NFKBIE: variants seen among roughly 807,000 people sequenced by gnomAD.
NFKBIE encodes NFKB inhibitor epsilon.
In NFKBIE, 11 loss-of-function variants were observed where a neutral mutation model predicts 31.6. The ratio of observed to expected loss-of-function variants is 0.35; its 90% CI spans 0.22 to 0.58. The LOEUF (loss-of-function observed/expected upper bound fraction) is 0.58. NFKBIE is among the 20% of genes least tolerant of loss of function. NFKBIE has a pLI of 0.83. For synonymous variants in NFKBIE, 208 were observed against 210.1 expected (o/e 0.99, Z 0.09); for missense variants, 354 against 465.7 (o/e 0.76, Z 2.21).
chr6:44,259,874 GGCTCCTT>G (rs1252465083), intron 5 of NFKBIE, among the ~76,000 whole-genome samples, 162 bp downstream of exon 5: 1 of 152,096 alleles, frequency 6.6e-6, no homozygotes, highest in African/African-American at 2.4e-5. Context: ...GTCCAAATTT[GGCTCCTT>G]GGACCAACTA....
intron 5 of NFKBIE, 74 bp downstream of exon 5, chr6:44,259,969 C>G: frequency 1.3e-6 from 2 of 1,559,836 alleles, no homozygotes; most frequent in East Asian, 2.3e-5. Flanking sequence ...CTCCCTGGCC[C>G]TTTCAGCTAA....
At position 44,258,718 on chromosome 6, in the gene NFKBIE, T is replaced by C. The variant is rs572059270; in HGVS notation, c.*501A>G. On this transcript the variant is annotated 3_prime_UTR_variant, in exon 6 of 6. Coordinates refer to ENST00000619360, the MANE Select transcript of NFKBIE (RefSeq NM_004556.3). The stretch of plus-strand genomic sequence containing the variant: ...TAACGTCTCTGCCATTTTAGTGTCA[T>C]GTTACTGAAACTTCCCTTCCCCAGT... 4 of 153,136 alleles carry C rather than the reference T, an allele frequency of 2.6e-5. No homozygotes were observed. The highest frequency in any genetic ancestry group is 2.0e-4 in the South Asian group (1 of 4,894). The allele number at this position is 153,136 out of a possible 1,614,324, so 9.5% of individuals were successfully genotyped here.
chr6:44,265,372 C>A lies in NFKBIE; in HGVS notation c.-26G>T. 1 of 1,563,686 alleles carries A rather than the reference C, an allele frequency of 6.4e-7. No individual in the cohort carries two copies. The highest frequency in any genetic ancestry group is 2.4e-5 in the East Asian group (1 of 42,338). ...GCCCGCGGCTCTGGCCGGCCGGGGC[C>A]CGGTCTGAGCAGGATCCGGCTCCAG... On this transcript the variant is annotated 5_prime_UTR_variant, in exon 1 of 6. Coordinates refer to ENST00000619360, the MANE Select transcript of NFKBIE (RefSeq NM_004556.3).
Position 44,258,464 on chromosome 6 carries a change from CTCCA to C in NFKBIE, c.*751_*754del, listed in dbSNP as rs1781760004. On this transcript the variant is annotated 3_prime_UTR_variant, in exon 6 of 6. Transcript: ENST00000619360. ...TGTCCTCTCATTCTTCCTCTTGTCC[CTCCA>C]TCCCTCATCATTTCCACAGCAAGGA... The C allele has an allele frequency of 6.6e-6, 1 of 152,442 alleles. No homozygotes were observed. Among genetic ancestry groups the C allele is most frequent in the Non-Finnish European group, 1.5e-5 (1 of 68,236 alleles). The allele number at this position is 152,442 out of a possible 1,614,324, so 9.4% of individuals were successfully genotyped here.
chr6:44,261,625 C>T lies in NFKBIE; in HGVS notation c.691+1G>A, dbSNP rs2153332192. On this transcript the variant is annotated splice_donor_variant, in intron 3 of 5. Coordinates refer to ENST00000619360, the MANE Select transcript of NFKBIE (RefSeq NM_004556.3). LOFTEE classifies it high-confidence loss of function. This position sits in a 1 kb window ranked among gnomAD's most constrained non-coding sequence, Gnocchi z 4.3. ...AGGGCAGTCTTAAAGACTGTCCACA[C>T]CTTGCCAGTTTTGCAGCTGGAGGTC... is the stretch of plus-strand genomic sequence containing the variant. 1 of 1,614,086 alleles carries T rather than the reference C, an allele frequency of 6.2e-7. No individual in the cohort carries two copies. Among genetic ancestry groups the T allele is most frequent in the African/African-American group, 1.3e-5 (1 of 75,064 alleles).
rs200279830 is a variant in NFKBIE, at chr6:44,259,224, C to A, written c.1081G>T (p.Asp361Tyr). 4 of 1,613,168 alleles carry A rather than the reference C, an allele frequency of 2.5e-6. No homozygotes were observed. In the South Asian group the frequency reaches 3.3e-5, roughly 13 times the overall value. ...KISGKLLLCT[D>Y] ...ATCCCAGACCCTGCCTGGCTTCAGT[C>A]GGTACACAGCAGCAGTTTCCCTGAG... The change falls in exon 6 of 6, where the codon GAC (aspartate) becomes TAC (tyrosine). Residue 361 changes from aspartate to tyrosine, a missense_variant. Physicochemically the swap from Asp to Tyr is radical, Grantham distance 160. Around this residue, in one of 2 missense-constraint regions of NFKBIE, gnomAD observed 183 missense variants for 310.6 expected, o/e 0.59. Coordinates refer to ENST00000619360, the MANE Select transcript of NFKBIE (RefSeq NM_004556.3).
Position 44,260,104 on chromosome 6 carries a change from G to C in NFKBIE, c.959C>G (p.Ala320Gly). ...ATTCCGCAGCAGGGAGTCAGCACCC[G>C]CCTTGCACAGAGTGGATGAGATGCC... Reference protein sequence around the residue: ...LMGISSTLCKAGADSLLRNVE... With the variant: ...LMGISSTLCKGGADSLLRNVE... The change falls in exon 5 of 6, where the codon GCG becomes GGG. Residue 320 changes from alanine (A) to glycine (G), a missense_variant. Ala to Gly is a moderately conservative substitution (Grantham distance 60, BLOSUM62 0). Coordinates refer to ENST00000619360, the MANE Select transcript of NFKBIE (RefSeq NM_004556.3). The surrounding 1 kb of genome is among the most constrained non-coding windows in gnomAD (Gnocchi z 5.5). The C allele has an allele frequency of 6.2e-7, 1 of 1,614,208 alleles. No homozygotes were observed. The highest frequency in any genetic ancestry group is 8.5e-7 in the Non-Finnish European group (1 of 1,180,038).
In NFKBIE at chr6:44,258,481, T is replaced by G. The variant is rs1781760999; in HGVS notation, c.*738A>C. ...TCTTGTCCCTCCATCCCTCATCATT[T>G]CCACAGCAAGGACAAGGGTCTGTGC... On this transcript the variant is annotated 3_prime_UTR_variant, in exon 6 of 6. Transcript: ENST00000619360. 1 of 152,280 alleles carries G rather than the reference T, an allele frequency of 6.6e-6. No individual in the cohort carries two copies. Among genetic ancestry groups the G allele is most frequent in the Non-Finnish European group, 1.5e-5 (1 of 68,172 alleles). 9.4% of individuals were successfully genotyped at this position (152,280 alleles called of 1,614,324 possible).
Position 44,261,867 on chromosome 6 carries a change from G to T in NFKBIE, c.469-19C>A. ...GTGCTGTCTGGAGGCACAAATAGAG[G>T]GTCATGGGGCCACTGCAGCATGCTC... On this transcript the variant is annotated intron_variant, in intron 2 of 5. Coordinates refer to ENST00000619360, the MANE Select transcript of NFKBIE (RefSeq NM_004556.3). This position sits in a 1 kb window ranked among gnomAD's most constrained non-coding sequence, Gnocchi z 4.3. 6.3e-7 allele frequency: 1 copy of T among 1,593,134 alleles called. No homozygotes were observed.
In NFKBIE at chr6:44,260,362, C is replaced by T. The variant is rs1781851833; in HGVS notation, c.781-80G>A. 5 of 1,611,208 alleles carry T rather than the reference C, an allele frequency of 3.1e-6. No homozygotes were observed. Among genetic ancestry groups the T allele is most frequent in the South Asian group, 1.1e-5 (1 of 91,004 alleles). On this transcript the variant is annotated intron_variant, in intron 4 of 5. Coordinates refer to ENST00000619360, the MANE Select transcript of NFKBIE (RefSeq NM_004556.3). This position sits in a 1 kb window ranked among gnomAD's most constrained non-coding sequence, Gnocchi z 5.5. ...GGGCTCTGGATAAGGAAGTGAATGCCACCACTTCTGACTGCTGGGCAGGGG... is the reference window on the plus strand; with the variant it reads ...GGGCTCTGGATAAGGAAGTGAATGCTACCACTTCTGACTGCTGGGCAGGGG...
In NFKBIE at chr6:44,261,960, T is replaced by TA. The variant is rs28362858; in HGVS notation, c.469-113dup. ...CAGCATCTTCTTTGAAAGCAGCTTA[T>TA]AAAGGCCATAACCTGTTCTTCCAAG... On this transcript the variant is annotated intron_variant, in intron 2 of 5. Transcript: ENST00000619360. The surrounding 1 kb of genome is among the most constrained non-coding windows in gnomAD (Gnocchi z 4.3). The TA allele has an allele frequency of 0.24, 226,869 of 955,012 alleles. 35,842 individuals carry two copies. Among genetic ancestry groups the TA allele is most frequent in the African/African-American group, 0.7 (42,826 of 61,524 alleles). The allele number at this position is 955,012 out of a possible 1,614,324, so 59.2% of individuals were successfully genotyped here.
intron 1 of NFKBIE, among the ~76,000 whole-genome samples, 195 bp from the exon 2 acceptor site, chr6:44,262,857 C>T (rs1208493055): frequency 1.3e-5 from 2 of 152,214 alleles, no homozygotes; most frequent in Non-Finnish European, 2.9e-5. Context: ...CAAGTTCCCA[C>T]TGCTGGCCTT....
chr6:44,260,636 A>T lies in NFKBIE; in HGVS notation c.692-97T>A. The T allele has an allele frequency of 9.0e-7, 1 of 1,114,664 alleles. No individual in the cohort carries two copies. The highest frequency in any genetic ancestry group is 1.3e-5 in the South Asian group (1 of 79,088). 69.0% of individuals were successfully genotyped at this position (1,114,664 alleles called of 1,614,324 possible). A position where few individuals can be genotyped will look rare whatever the true frequency, so the allele number is the denominator to read the frequency against. On this transcript the variant is annotated intron_variant, in intron 3 of 5. Coordinates refer to ENST00000619360, the MANE Select transcript of NFKBIE (RefSeq NM_004556.3). This position sits in a 1 kb window ranked among gnomAD's most constrained non-coding sequence, Gnocchi z 5.5. ...CCTACCACTCAGCCCCAAGGGACTC[A>T]CAGCCCACTCAATGTCTCTAATCAC...
Position 44,260,731 on chromosome 6 carries a change from C to G in NFKBIE, c.692-192G>C, listed in dbSNP as rs1175054377. Among the ~76,000 whole-genome samples, 1 of 152,000 alleles carries G rather than the reference C, an allele frequency of 6.6e-6. No individual in the cohort carries two copies. The highest frequency in any genetic ancestry group is 1.5e-5 in the Non-Finnish European group (1 of 67,998). ...GGGGAAAGGAACTCAAAGTTTCCAC[C>G]TTTTCAGAGTCATGTTATTGAAACT... is the stretch of plus-strand genomic sequence containing the variant. On this transcript the variant is annotated intron_variant, in intron 3 of 5. Transcript: ENST00000619360. This position sits in a 1 kb window ranked among gnomAD's most constrained non-coding sequence, Gnocchi z 5.5.
rs1162028246 is a variant in NFKBIE at position 44,265,513 on chromosome 6, A to G, written c.-167T>C. The G allele has an allele frequency of 6.4e-7, 1 of 1,555,100 alleles. No individual in the cohort carries two copies. The highest frequency in any genetic ancestry group is 1.9e-5 in the Admixed American group (1 of 52,130). ...CGAGGGGCCGGCGCGCAGCGAGGACAAGGTTCGGAGCGCTGGCCAGGTCCA... is the reference window on the plus strand; with the variant it reads ...CGAGGGGCCGGCGCGCAGCGAGGACGAGGTTCGGAGCGCTGGCCAGGTCCA... On this transcript the variant is annotated 5_prime_UTR_variant, in exon 1 of 6. Coordinates refer to ENST00000619360, the MANE Select transcript of NFKBIE (RefSeq NM_004556.3).
In NFKBIE at chr6:44,260,842, CACACACACACACATACAG is replaced by C. The variant is rs1422827620; in HGVS notation, c.692-321_692-304del. 2.6e-3 allele frequency among the ~76,000 whole-genome samples: 223 copies of C among 85,274 alleles called. No homozygotes were observed. The highest frequency in any genetic ancestry group is 6.3e-3 in the Admixed American group (47 of 7,450). The allele number at this position is 85,274 out of a possible 152,430, so 55.9% of individuals were successfully genotyped here. A position where few individuals can be genotyped will look rare whatever the true frequency, so the allele number is the denominator to read the frequency against. ...ACAAACTACAACACACACACACACA[CACACACACACACATACAG>C]ACACACACACACACACACACACACA... is the stretch of plus-strand genomic sequence containing the variant. On this transcript the variant is annotated intron_variant, in intron 3 of 5. Coordinates refer to ENST00000619360, the MANE Select transcript of NFKBIE (RefSeq NM_004556.3). The surrounding 1 kb of genome is among the most constrained non-coding windows in gnomAD (Gnocchi z 5.5).
At chr6:44,259,953 T>C (rs1652281243) in intron 5 of NFKBIE, 90 bp downstream of exon 5, 1 of 1,527,546 alleles carries the variant, frequency 6.5e-7, no homozygotes, top group East Asian at 2.3e-5. Context: ...ACCCCAGGAC[T>C]CCTGGCTCCC....
In NFKBIE at chr6:44,265,379, G is replaced by T; in HGVS notation, c.-33C>A. The T allele has an allele frequency of 6.4e-7, 1 of 1,563,826 alleles. No individual in the cohort carries two copies. Among genetic ancestry groups the T allele is most frequent in the Admixed American group, 1.8e-5 (1 of 55,792 alleles). On this transcript the variant is annotated 5_prime_UTR_variant, in exon 1 of 6. Coordinates refer to ENST00000619360, the MANE Select transcript of NFKBIE (RefSeq NM_004556.3). ...GCTCTGGCCGGCCGGGGCCCGGTCT[G>T]AGCAGGATCCGGCTCCAGGCTCCGC...
At chr6:44,264,118 G>A (rs902364009) in intron 1 of NFKBIE, among the ~76,000 whole-genome samples, 6 of 152,142 alleles carry the variant, frequency 3.9e-5, no homozygotes, top group African/African-American at 9.7e-5. Flanking sequence ...CTATTTATAT[G>A]AGCACCCTTG....
Sources: gnomAD v4.1 joint callset for allele counts (sites outside exome capture counted in the v4.1 genomes callset) on GRCh38, gnomAD v4.1.1 for gene constraint, gnomAD v4.1.1 regional missense constraint, Gnocchi (gnomAD v3.1) non-coding constraint, MANE v1.5 for transcripts, NCBI Gene and HGNC (gene_info 2026-07-23, HGNC 2026-07-21) for gene names.